Variants in CWH43 observed in about 807,000 individuals in gnomAD.
CWH43 encodes the protein cell wall biogenesis 43 C-terminal homolog, also known as PGAP2-interacting protein.
Under a neutral mutation model 85.7 loss-of-function variants are expected in CWH43, and 91 were observed. The observed-to-expected ratio is 1.06, with a 90% CI of 0.90 to 1.26. The LOEUF is 1.26. CWH43 is among the 50% of genes most tolerant of loss of function. CWH43 has a pLI of 0.00. For synonymous variants in CWH43, 323 were observed against 293.6 expected (o/e 1.10, Z -1.02); for missense variants, 869 against 839.2 (o/e 1.04, Z -0.44).
chr4:49,028,572 C>A, intron 9 of CWH43, 57 bp from the exon 10 acceptor site: 2 of 1,204,556 alleles, frequency 1.7e-6, no homozygotes, highest in South Asian at 1.3e-5. Context: ...AAAAGTGGGT[C>A]ACTGAAACTG....
At chr4:49,051,122 T>G (rs577521272) in intron 15 of CWH43, among the ~76,000 whole-genome samples, 1 of 152,260 alleles carries the variant, frequency 6.6e-6, no homozygotes, top group South Asian at 2.1e-4. Context: ...TCATCATCAC[T>G]GTCACCTCCA....
At position 49,026,004 on chromosome 4, in the gene CWH43, C is replaced by A. The variant is rs1376364129; in HGVS notation, c.1267-2625C>A. ...TTAGGTGTGTCTGAGCTCAGACTCT[C>A]GTTGGGCTGGGCCGGCTGTAGCTGC... On this transcript the variant is annotated intron_variant, in intron 9 of 15. Transcript: ENST00000226432. Among the ~76,000 whole-genome samples, 5 of 152,140 alleles carry A rather than the reference C, an allele frequency of 3.3e-5. No individual in the cohort carries two copies. In the East Asian group the frequency reaches 7.7e-4, roughly 23 times the overall value.
chr4:49,049,608 G>A (rs1025328370), intron 14 of CWH43, among the ~76,000 whole-genome samples: 10 of 151,954 alleles, frequency 6.6e-5, no homozygotes, highest in Non-Finnish European at 5.9e-5. Flanking sequence ...GGCTTTGCAT[G>A]TTCCCTCTTA....
At chr4:48,999,143 C>A (rs571962543) in intron 6 of CWH43, among the ~76,000 whole-genome samples, 1 of 152,170 alleles carries the variant, frequency 6.6e-6, no homozygotes, top group Non-Finnish European at 1.5e-5. Context: ...GTGCTCTCAT[C>A]ATTCAGCTCC....
chr4:49,028,588 G>A (rs1783992800), intron 9 of CWH43, 41 bp from the exon 10 acceptor site: 3 of 1,462,662 alleles, frequency 2.1e-6, no homozygotes, highest in African/African-American at 2.8e-5. Flanking sequence ...AACTGCCATT[G>A]TTCACAGTCA....
intron 5 of CWH43, 86 bp downstream of exon 5, chr4:48,994,906 G>A: frequency 9.4e-7 from 1 of 1,066,824 alleles, no homozygotes; most frequent in East Asian, 2.4e-5. Context: ...CTAGGTCTGT[G>A]CTAGCCAGAT....
intron 14 of CWH43, among the ~76,000 whole-genome samples, chr4:49,047,437 G>A (rs1784657539): frequency 6.6e-6 from 1 of 152,126 alleles, no homozygotes; most frequent in African/African-American, 2.4e-5. Flanking sequence ...TGAGAGTGGT[G>A]GGAAAAACTA....
intron 13 of CWH43, among the ~76,000 whole-genome samples, chr4:49,041,457 C>T (rs1445761983): frequency 6.6e-6 from 1 of 152,158 alleles, no homozygotes; most frequent in African/African-American, 2.4e-5. Flanking sequence ...AGAGGTCCTT[C>T]ACATCCCTTG....
chr4:49,001,434 A>G lies in CWH43; in HGVS notation c.803-2301A>G, dbSNP rs76252153. On this transcript the variant is annotated intron_variant, in intron 6 of 15. Transcript: ENST00000226432. Reference sequence around the variant, plus strand: ...AAAAGCAGTTAAGGAATACAGTTAAATGAAAAAGGTAAAGTGACTAACAGT... The same window carrying G: ...AAAAGCAGTTAAGGAATACAGTTAAGTGAAAAAGGTAAAGTGACTAACAGT... Among the ~76,000 whole-genome samples the G allele has an allele frequency of 3.1e-3, 479 of 152,236 alleles. 5 individuals are homozygous for G. Among genetic ancestry groups the G allele is most frequent in the African/African-American group, 0.011 (469 of 41,564 alleles).
chr4:49,056,381 T>A lies in CWH43; in HGVS notation c.2022-5431T>A, dbSNP rs1198701604. On this transcript the variant is annotated intron_variant, in intron 15 of 15. Coordinates refer to ENST00000226432, the MANE Select transcript of CWH43 (RefSeq NM_025087.3). ...TGAACTGTTCAGATTTTGAATTTCT[T>A]CATGAGTCAGTCTTGGTAGATTGTT... 2.6e-5 allele frequency among the ~76,000 whole-genome samples: 4 copies of A among 152,154 alleles called. No individual in the cohort carries two copies. The East Asian group carries it at 7.7e-4, about 29-fold the overall frequency.
At chr4:49,044,889 T>C in intron 14 of CWH43, 42 bp downstream of exon 14, 2 of 1,513,042 alleles carry the variant, frequency 1.3e-6, no homozygotes, top group Non-Finnish European at 1.8e-6. Context: ...CTATTATTAA[T>C]GTGATCTTTT....
intron 8 of CWH43, among the ~76,000 whole-genome samples, chr4:49,015,404 AGTCAGCT>A (rs1168585619): frequency 1.3e-5 from 2 of 152,074 alleles, no homozygotes; most frequent in Admixed American, 6.6e-5. Flanking sequence ...GCTGTTGAGA[AGTCAGCT>A]GTCAGTGTAA....
At chr4:49,047,994 G>C (rs1203763683) in intron 14 of CWH43, among the ~76,000 whole-genome samples, 1 of 152,168 alleles carries the variant, frequency 6.6e-6, no homozygotes, top group African/African-American at 2.4e-5. Context: ...AAAGTGTTAC[G>C]GTAGGAGAGA....
intron 9 of CWH43, among the ~76,000 whole-genome samples, chr4:49,027,705 T>G (rs1166726830): frequency 1.3e-5 from 2 of 152,200 alleles, no homozygotes; most frequent in Admixed American, 1.3e-4. Context: ...TCAATTACAT[T>G]CTTTATTTTA....
At chr4:49,007,600 T>C (rs1385573357) in intron 8 of CWH43, among the ~76,000 whole-genome samples, 1 of 152,118 alleles carries the variant, frequency 6.6e-6, no homozygotes, top group African/African-American at 2.4e-5. Flanking sequence ...ACATTAGGTA[T>C]TCCTCCTAAT....
intron 2 of CWH43, among the ~76,000 whole-genome samples, chr4:48,989,931 A>G (rs1782607260): frequency 1.3e-5 from 2 of 152,246 alleles, no homozygotes; most frequent in South Asian, 4.1e-4. Flanking sequence ...GGCTTACAGT[A>G]TCCTTACATG....
intron 4 of CWH43, among the ~76,000 whole-genome samples, chr4:48,993,695 G>C (rs1782724482): frequency 6.6e-6 from 1 of 152,140 alleles, no homozygotes; most frequent in South Asian, 2.1e-4. Flanking sequence ...TCCAATCCCA[G>C]GTTCCTAGGT....
chr4:49,007,863 G>A (rs548227128), intron 8 of CWH43, among the ~76,000 whole-genome samples: 2 of 152,162 alleles, frequency 1.3e-5, no homozygotes, highest in Non-Finnish European at 2.9e-5. Context: ...TCTTAATCCA[G>A]TCTATCATTG....
rs923509071 is a variant in CWH43 at position 49,004,104 on chromosome 4, T to C, written c.1060+112T>C. The C allele has an allele frequency of 3.1e-6, 3 of 974,668 alleles. No individual in the cohort carries two copies. In the African/African-American group the frequency reaches 4.9e-5, roughly 16 times the overall value. 60.4% of individuals were successfully genotyped at this position (974,668 alleles called of 1,614,324 possible). Reference sequence around the variant, plus strand: ...GTGGAAATAAGCAGGATGATCTAGCTTTCTTGGTAAAATAGACTCTCTTGA... The same window carrying C: ...GTGGAAATAAGCAGGATGATCTAGCCTTCTTGGTAAAATAGACTCTCTTGA... On this transcript the variant is annotated intron_variant, in intron 7 of 15. Transcript: ENST00000226432.
Sources: allele counts gnomAD v4.1 joint callset (sites outside exome capture counted in the v4.1 genomes callset), GRCh38; gene constraint gnomAD v4.1.1; transcripts MANE v1.5; gene names NCBI Gene and HGNC (gene_info 2026-07-23, HGNC 2026-07-21).